The following AP3B1 variants were observed in gnomAD, a reference collection of about 807,000 sequenced individuals.
AP3B1 encodes the protein AP-3 complex subunit beta-1.
A neutral mutation model predicts 132.5 loss-of-function variants in AP3B1; 61 were observed. The observed-to-expected ratio is 0.46, with a 90% confidence interval of 0.37 to 0.57. AP3B1 has a LOEUF of 0.57. AP3B1 is among the 20% of genes least tolerant of loss of function. The pLI is 0.00. For missense variants in AP3B1, 1,120 were observed against 1,289.4 expected (o/e 0.87, Z 2.01); for synonymous variants, 388 against 438.3 (o/e 0.89, Z 1.43).
At chr5:78,247,523 C>G (rs1479167839) in intron 2 of AP3B1, among the ~76,000 whole-genome samples, 1 of 149,984 alleles carries the variant, frequency 6.7e-6, no homozygotes, top group Non-Finnish European at 1.5e-5. Flanking sequence ...TTTTTTTACT[C>G]CGTTTTTGAA....
chr5:78,112,973 T>A (rs1751660843), intron 19 of AP3B1, among the ~76,000 whole-genome samples: 1 of 152,208 alleles, frequency 6.6e-6, no homozygotes, highest in South Asian at 2.1e-4. Context: ...ATTAATAAAG[T>A]CATAATTAGG....
intron 17 of AP3B1, among the ~76,000 whole-genome samples, chr5:78,126,940 C>T (rs1752488902): frequency 6.6e-6 from 1 of 152,180 alleles, no homozygotes; most frequent in South Asian, 2.1e-4. Flanking sequence ...CCATCCCTTA[C>T]AATCATTATT....
At chr5:78,151,050 C>G (rs1753629095) in intron 14 of AP3B1, among the ~76,000 whole-genome samples, 1 of 152,170 alleles carries the variant, frequency 6.6e-6, no homozygotes, top group Non-Finnish European at 1.5e-5. Context: ...TCCCAGGTAG[C>G]TGGGATTACA....
intron 22 of AP3B1, among the ~76,000 whole-genome samples, chr5:78,083,290 T>A (rs1007368003): frequency 5.9e-5 from 9 of 152,214 alleles, no homozygotes; most frequent in African/African-American, 2.2e-4. Flanking sequence ...AAGCAGAACA[T>A]ACACTAAAAT....
intron 7 of AP3B1, among the ~76,000 whole-genome samples, chr5:78,198,010 A>G (rs1745141075): frequency 6.6e-6 from 1 of 152,218 alleles, no homozygotes; most frequent in African/African-American, 2.4e-5. Flanking sequence ...CAATTTACAT[A>G]AATTATCAAT....
At chr5:78,008,396 T>C (rs1452792355) in intron 26 of AP3B1, among the ~76,000 whole-genome samples, 1 of 152,200 alleles carries the variant, frequency 6.6e-6, no homozygotes, top group Non-Finnish European at 1.5e-5. Flanking sequence ...AAATAGAGAA[T>C]GTTTTAAAGT....
chr5:78,167,360 G>A (rs959133735), intron 11 of AP3B1, among the ~76,000 whole-genome samples: 3 of 152,022 alleles, frequency 2.0e-5, no homozygotes, highest in Admixed American at 6.6e-5. Flanking sequence ...CATGGATGTG[G>A]TGAAAGGGAA....
At chr5:78,080,437 T>C (rs554164851) in intron 22 of AP3B1, among the ~76,000 whole-genome samples, 3 of 152,174 alleles carry the variant, frequency 2.0e-5, no homozygotes, top group South Asian at 2.1e-4. Context: ...TAGTGATAGA[T>C]GTAGTTTCCA....
intron 23 of AP3B1, 22 bp from the exon 24 acceptor site, chr5:78,034,467 A>T: frequency 6.5e-7 from 1 of 1,538,426 alleles, no homozygotes; most frequent in Non-Finnish European, 9.0e-7. Flanking sequence ...GATAATTTAG[A>T]CATGAAAACA....
intron 22 of AP3B1, among the ~76,000 whole-genome samples, chr5:78,052,150 G>T (rs963382615): frequency 3.3e-5 from 5 of 152,014 alleles, no homozygotes; most frequent in Non-Finnish European, 7.4e-5. Flanking sequence ...TCTTCCTTAT[G>T]TATATAAATT....
chr5:78,194,670 A>G (rs113228656), intron 7 of AP3B1, among the ~76,000 whole-genome samples: 4,590 of 152,294 alleles, frequency 0.03, 233 homozygotes, highest in African/African-American at 0.1. Flanking sequence ...ACTAATAAAT[A>G]AATAAATGAG....
At chr5:78,197,330 AC>A (rs1745115803) in intron 7 of AP3B1, among the ~76,000 whole-genome samples, 1 of 152,148 alleles carries the variant, frequency 6.6e-6, no homozygotes, top group Non-Finnish European at 1.5e-5. Flanking sequence ...TTGCTCTAAA[AC>A]ATTCACTTTC....
At chr5:78,202,493 C>A (rs1311965866) in intron 7 of AP3B1, among the ~76,000 whole-genome samples, 2 of 151,418 alleles carry the variant, frequency 1.3e-5, no homozygotes, top group African/African-American at 2.4e-5. Flanking sequence ...TTCTCTGATC[C>A]ACACATCAGT....
intron 25 of AP3B1, among the ~76,000 whole-genome samples, chr5:78,020,301 TA>T (rs377414678): frequency 6.6e-6 from 1 of 151,938 alleles, no homozygotes; most frequent in Non-Finnish European, 1.5e-5. Flanking sequence ...TAGTAAGACA[TA>T]AAAAAACAGT....
chr5:78,136,711 T>C (rs376023578), intron 15 of AP3B1, among the ~76,000 whole-genome samples: 39 of 148,996 alleles, frequency 2.6e-4, no homozygotes, highest in African/African-American at 9.8e-4. Context: ...TGTAAAATTG[T>C]ACTTCTGGTT....
chr5:78,037,036 A>C (rs984629173), intron 23 of AP3B1, among the ~76,000 whole-genome samples: 28 of 152,162 alleles, frequency 1.8e-4, no homozygotes, highest in African/African-American at 6.3e-4. Flanking sequence ...AGTCACAAAA[A>C]TTTGTCTAAG....
At chr5:78,074,889 C>T (rs374462235) in intron 22 of AP3B1, among the ~76,000 whole-genome samples, 4 of 152,018 alleles carry the variant, frequency 2.6e-5, no homozygotes, top group South Asian at 2.1e-4. Flanking sequence ...GCTGAGATTG[C>T]GCCACTGCAC....
At chr5:78,225,649 T>C in intron 5 of AP3B1, 41 bp from the exon 6 acceptor site, 2 of 1,318,514 alleles carry the variant, frequency 1.5e-6, no homozygotes, top group Non-Finnish European at 2.2e-6. Context: ...TTCCCTTTAA[T>C]TCTAGCTTTA....
intron 22 of AP3B1, among the ~76,000 whole-genome samples, chr5:78,062,587 G>A (rs932893618): frequency 6.6e-6 from 1 of 152,130 alleles, no homozygotes; most frequent in African/African-American, 2.4e-5. Context: ...GTATAGCAGT[G>A]AATTTAGTCA....
Sources: allele counts gnomAD v4.1 joint callset (sites outside exome capture counted in the v4.1 genomes callset), GRCh38; gene constraint gnomAD v4.1.1; transcripts MANE v1.5; gene names NCBI Gene and HGNC (gene_info 2026-07-23, HGNC 2026-07-21).